TMEM131L: variants seen among roughly 807,000 people sequenced by gnomAD.
TMEM131L encodes transmembrane 131 like.
In TMEM131L, 54 loss-of-function variants were observed where a neutral mutation model predicts 192.2. That is an observed-to-expected ratio of 0.28 (90% CI 0.23 to 0.35). The LOEUF is 0.35. Among genes scored for constraint, TMEM131L ranks in the 10% least tolerant of loss-of-function variants. The pLI is 1.00. For missense variants in TMEM131L, 1,888 were observed against 1,972.9 expected, an observed-to-expected ratio of 0.96 and a Z score of 0.82; for synonymous variants, 701 against 704.9, an observed-to-expected ratio of 0.99 and a Z score of 0.09.
chr4:153,625,863 A>G (rs768249081), intron 29 of TMEM131L, among the ~76,000 whole-genome samples: 5 of 151,730 alleles, frequency 3.3e-5, no homozygotes, highest in Non-Finnish European at 5.9e-5. Context: ...TGCCGAGATC[A>G]CACCATTGCA....
In TMEM131L at chr4:153,473,833, CT is replaced by C; in HGVS notation, c.196-7del. Reference sequence around the variant, plus strand: ...ACAGAAACAACGGTTAACACATGTTCTTTTTCAATAGGGTGATTCTGAAGAG... The same window carrying C: ...ACAGAAACAACGGTTAACACATGTTCTTTTCAATAGGGTGATTCTGAAGAG... On this transcript the variant is annotated splice_polypyrimidine_tract_variant and intron_variant, in intron 2 of 34. Coordinates refer to ENST00000409959, the MANE Select transcript of TMEM131L (RefSeq NM_001131007.2). 1 of 1,539,770 alleles carries C rather than the reference CT, an allele frequency of 6.5e-7. No individual in the cohort carries two copies.
At chr4:153,617,810 C>T (rs1480200162) in intron 26 of TMEM131L, among the ~76,000 whole-genome samples, 1 of 151,194 alleles carries the variant, frequency 6.6e-6, no homozygotes, top group African/African-American at 2.4e-5. Context: ...CTATAATTCA[C>T]CTTTTCTAAA....
At chr4:153,505,948 A>G (rs1458902938) in intron 3 of TMEM131L, among the ~76,000 whole-genome samples, 1 of 152,168 alleles carries the variant, frequency 6.6e-6, no homozygotes, top group Non-Finnish European at 1.5e-5. Flanking sequence ...TGTGTCTCAG[A>G]TATTTCGTAC....
chr4:153,501,763 G>C (rs532731437), intron 3 of TMEM131L, among the ~76,000 whole-genome samples: 2 of 152,076 alleles, frequency 1.3e-5, no homozygotes, highest in Non-Finnish European at 2.9e-5. Flanking sequence ...CAGAGGGCAG[G>C]CCAGGACTGA....
At chr4:153,545,508 C>G (rs974533249) in intron 3 of TMEM131L, among the ~76,000 whole-genome samples, 5 of 152,002 alleles carry the variant, frequency 3.3e-5, no homozygotes, top group African/African-American at 1.2e-4. Flanking sequence ...AAGATGGTCT[C>G]GATCTCCTGA....
intron 7 of TMEM131L, among the ~76,000 whole-genome samples, chr4:153,559,118 G>A (rs1056192733): frequency 2.9e-4 from 44 of 152,188 alleles, no homozygotes; most frequent in Middle Eastern, 3.4e-3. Context: ...TTCATTCAGC[G>A]GTTTTCCTGA....
At chr4:153,547,840 A>T (rs1737303014) in intron 3 of TMEM131L, among the ~76,000 whole-genome samples, 1 of 152,176 alleles carries the variant, frequency 6.6e-6, no homozygotes, top group South Asian at 2.1e-4. Flanking sequence ...TAGCTATGTG[A>T]CCTTGGGTGA....
At chr4:153,596,021 C>G (rs1464216117) in intron 19 of TMEM131L, among the ~76,000 whole-genome samples, 1 of 152,114 alleles carries the variant, frequency 6.6e-6, no homozygotes, top group Non-Finnish European at 1.5e-5. Flanking sequence ...AAGCAAATCC[C>G]CTCTCCAGCA....
intron 3 of TMEM131L, among the ~76,000 whole-genome samples, chr4:153,487,812 G>C (rs187632771): frequency 1.3e-5 from 2 of 150,478 alleles, no homozygotes; most frequent in East Asian, 3.9e-4. Context: ...CCAGGGACAA[G>C]GAGAGAGACC....
chr4:153,525,781 G>A (rs1247742579), intron 3 of TMEM131L, among the ~76,000 whole-genome samples: 2 of 152,094 alleles, frequency 1.3e-5, no homozygotes, highest in Non-Finnish European at 2.9e-5. Context: ...AGGAATCATC[G>A]AGGGATCTTG....
At chr4:153,621,514 T>C (rs1045992666) in intron 27 of TMEM131L, among the ~76,000 whole-genome samples, 169 bp from the exon 28 acceptor site, 4 of 152,176 alleles carry the variant, frequency 2.6e-5, no homozygotes, top group Admixed American at 6.5e-5. Context: ...CATTTTCTTA[T>C]TGGTATCCCT....
intron 3 of TMEM131L, among the ~76,000 whole-genome samples, chr4:153,487,146 T>C (rs758799989): frequency 1.3e-5 from 2 of 152,134 alleles, no homozygotes; most frequent in Non-Finnish European, 2.9e-5. Context: ...TTGAAAACCA[T>C]TGGCCCAGGG....
intron 29 of TMEM131L, among the ~76,000 whole-genome samples, chr4:153,624,016 A>G (rs1404858910): frequency 6.6e-6 from 1 of 151,584 alleles, no homozygotes; most frequent in Non-Finnish European, 1.5e-5. Flanking sequence ...TCATATATCC[A>G]TCAACAAAAT....
At chr4:153,541,975 C>T (rs1490812678) in intron 3 of TMEM131L, among the ~76,000 whole-genome samples, 1 of 152,252 alleles carries the variant, frequency 6.6e-6, no homozygotes, top group Non-Finnish European at 1.5e-5. Flanking sequence ...GGGTCATGGG[C>T]TAGCACCCCA....
intron 25 of TMEM131L, among the ~76,000 whole-genome samples, chr4:153,610,864 A>G (rs1732562352): frequency 1.3e-5 from 2 of 152,164 alleles, no homozygotes; most frequent in Non-Finnish European, 2.9e-5. Context: ...TTTGCTGGGA[A>G]ATATTTGCTC....
intron 3 of TMEM131L, among the ~76,000 whole-genome samples, chr4:153,547,234 T>C (rs2150380265): frequency 2.0e-5 from 3 of 152,378 alleles, no homozygotes; most frequent in Middle Eastern, 6.8e-3. Context: ...TCTGCCATAT[T>C]ACTCTAGGTT....
At chr4:153,630,888 C>T (rs1734164551) in intron 31 of TMEM131L, among the ~76,000 whole-genome samples, 1 of 152,226 alleles carries the variant, frequency 6.6e-6, no homozygotes, top group Non-Finnish European at 1.5e-5. Flanking sequence ...GGACCTCTAT[C>T]TTGACTGGCT....
chr4:153,621,566 GAC>G (rs892843821), intron 27 of TMEM131L, 115 bp from the exon 28 acceptor site: 5 of 920,552 alleles, frequency 5.4e-6, no homozygotes, highest in Admixed American at 2.5e-5. Context: ...AAGAGAGGAG[GAC>G]TCCTATTGTC....
chr4:153,636,268 TAACTTA>T (rs1578922322), intron 34 of TMEM131L, 27 bp from the exon 35 acceptor site: 2 of 1,578,862 alleles, frequency 1.3e-6, no homozygotes, highest in Admixed American at 1.9e-5. Context: ...TTTTTTCTTT[TAACTTA>T]TTTTTCCTTC....
Sources: gnomAD v4.1 joint callset for allele counts (sites outside exome capture counted in the v4.1 genomes callset) on GRCh38, gnomAD v4.1.1 for gene constraint, MANE v1.5 for transcripts, NCBI Gene and HGNC (gene_info 2026-07-23, HGNC 2026-07-21) for gene names.